Variants in ADAMTSL3 observed in about 807,000 individuals in gnomAD.
The protein encoded by ADAMTSL3 is ADAMTS like 3, also known as ADAMTS-like protein 3.
A neutral mutation model predicts 201.7 loss-of-function variants in ADAMTSL3; 128 were observed. That is an observed-to-expected ratio of 0.63 (90% CI 0.55 to 0.73). The LOEUF is 0.73. Ranked by LOEUF, ADAMTSL3 falls within the 30% of genes least tolerant of loss-of-function variation. ADAMTSL3 has a pLI of 0.00. For missense variants in ADAMTSL3, 1,990 were observed against 2,119.6 expected (o/e 0.94, Z 1.20); for synonymous variants, 738 against 748.4 (o/e 0.99, Z 0.23).
At chr15:83,797,147 A>G (rs895273917) in intron 4 of ADAMTSL3, among the ~76,000 whole-genome samples, 2 of 152,214 alleles carry the variant, frequency 1.3e-5, no homozygotes, top group Non-Finnish European at 2.9e-5. Flanking sequence ...TATAACCAAT[A>G]AAGGACTAGT....
intron 6 of ADAMTSL3, 135 bp downstream of exon 6, chr15:83,820,182 C>T (rs2063839183): frequency 3.0e-6 from 2 of 677,902 alleles, no homozygotes; most frequent in Non-Finnish European, 2.5e-6. Context: ...GTGGCTTACA[C>T]CTATAATCCC....
intron 2 of ADAMTSL3, among the ~76,000 whole-genome samples, chr15:83,662,859 A>T (rs999578287): frequency 6.6e-6 from 1 of 152,074 alleles, no homozygotes; most frequent in African/African-American, 2.4e-5. Context: ...TCAGCTCTTT[A>T]CTCAACTGGA....
chr15:83,712,330 C>G (rs970397726), intron 3 of ADAMTSL3, among the ~76,000 whole-genome samples: 6 of 152,246 alleles, frequency 3.9e-5, no homozygotes, highest in Non-Finnish European at 8.8e-5. Context: ...TGAATTCCAA[C>G]TTTCTGCTGC....
At chr15:83,849,785 A>T (rs1036588703) in intron 7 of ADAMTSL3, among the ~76,000 whole-genome samples, 1 of 152,216 alleles carries the variant, frequency 6.6e-6, no homozygotes, top group Non-Finnish European at 1.5e-5. Context: ...TCAAGCAAAA[A>T]TACAAAATGA....
At chr15:83,713,611 C>T (rs566446913) in intron 3 of ADAMTSL3, among the ~76,000 whole-genome samples, 1 of 151,978 alleles carries the variant, frequency 6.6e-6, no homozygotes, top group African/African-American at 2.4e-5. Flanking sequence ...CATATGAACT[C>T]TGAATTTCAA....
intron 6 of ADAMTSL3, among the ~76,000 whole-genome samples, chr15:83,836,961 A>C (rs952589737): frequency 6.6e-6 from 1 of 152,188 alleles, no homozygotes; most frequent in Admixed American, 6.5e-5. Context: ...AGATCAGTTG[A>C]TATTATTGTT....
chr15:84,021,485 C>T lies in ADAMTSL3; in HGVS notation c.4349C>T (p.Pro1450Leu), dbSNP rs2068204210. 5 of 1,614,064 alleles carry T rather than the reference C, an allele frequency of 3.1e-6. No homozygotes were observed. The highest frequency in any genetic ancestry group is 4.2e-6 in the Non-Finnish European group (5 of 1,180,014). Residue 1450 changes from proline (P) to leucine (L), a missense_variant, in exon 26 of 30, where the codon CCC becomes CTC. Physicochemically the swap from Pro to Leu is moderately conservative, Grantham distance 98. Coordinates refer to ENST00000286744, the MANE Select transcript of ADAMTSL3 (RefSeq NM_207517.3). ...CATTTGGGAGCCCGCATTCAGAGACCCCAGTGTGTGATGGCCAATGGGCAG... is the reference window on the plus strand; with the variant it reads ...CATTTGGGAGCCCGCATTCAGAGACTCCAGTGTGTGATGGCCAATGGGCAG... ...CGHLGARIQR[P>L]QCVMANGQEV...
intron 3 of ADAMTSL3, among the ~76,000 whole-genome samples, chr15:83,711,899 C>G (rs964224802): frequency 1.3e-5 from 2 of 151,974 alleles, no homozygotes; most frequent in Non-Finnish European, 2.9e-5. Context: ...TGATTTTTAT[C>G]ACTTACACCC....
chr15:83,782,334 G>A (rs1025984791), intron 4 of ADAMTSL3, among the ~76,000 whole-genome samples: 5 of 151,976 alleles, frequency 3.3e-5, no homozygotes, highest in Admixed American at 6.6e-5. Context: ...AAAATTAGCC[G>A]GGCATGGTGA....
intron 1 of ADAMTSL3, 56 bp from the exon 2 acceptor site, chr15:83,655,673 G>A: frequency 3.0e-6 from 4 of 1,340,866 alleles, no homozygotes; most frequent in East Asian, 2.4e-5. Flanking sequence ...TTAAGTCACG[G>A]TTTACTGCCA....
At chr15:83,892,070 G>A (rs1312685675) in intron 12 of ADAMTSL3, among the ~76,000 whole-genome samples, 1 of 151,880 alleles carries the variant, frequency 6.6e-6, no homozygotes, top group African/African-American at 2.4e-5. Context: ...AGAAAAATTA[G>A]CCGGGCTTGG....
At chr15:83,934,225 T>C (rs1260310195) in intron 17 of ADAMTSL3, among the ~76,000 whole-genome samples, 2 of 152,164 alleles carry the variant, frequency 1.3e-5, no homozygotes, top group African/African-American at 4.8e-5. Flanking sequence ...TCCAAGACCA[T>C]GGGAGCCCAT....
At chr15:83,924,151 G>A in intron 17 of ADAMTSL3, 118 bp downstream of exon 17, 1 of 1,303,800 alleles carries the variant, frequency 7.7e-7, no homozygotes, top group Admixed American at 2.5e-5. Context: ...TGCTAAGCCT[G>A]CTTCAGAGCT....
chr15:83,996,647 G>T (rs1158972404), intron 23 of ADAMTSL3, among the ~76,000 whole-genome samples: 1 of 151,822 alleles, frequency 6.6e-6, no homozygotes, highest in Non-Finnish European at 1.5e-5. Context: ...TGGGCGTGGT[G>T]GTGGGTGCCT....
intron 3 of ADAMTSL3, among the ~76,000 whole-genome samples, chr15:83,710,641 T>C (rs999603149): frequency 3.3e-5 from 5 of 152,214 alleles, no homozygotes; most frequent in Admixed American, 2.0e-4. Context: ...GAAGTCATAG[T>C]TGACTCTTCT....
chr15:83,681,895 T>C (rs571942731), intron 2 of ADAMTSL3, among the ~76,000 whole-genome samples: 11 of 152,356 alleles, frequency 7.2e-5, no homozygotes, highest in African/African-American at 2.6e-4. Context: ...CCTCTTTTCC[T>C]AAGAATGGAC....
In ADAMTSL3 at chr15:83,654,781, G is replaced by A. The variant is rs1221153603; in HGVS notation, c.-34+505G>A. ...CGGAGGAGTGTGCACTCGGAAGGCT[G>A]GTGCGAGCAGGCGAGGGTGGCGCAG... On this transcript the variant is annotated intron_variant, in intron 1 of 29. Transcript: ENST00000286744. The surrounding 1 kb of genome is among the most constrained non-coding windows in gnomAD (Gnocchi z 5.3). Among the ~76,000 whole-genome samples the A allele has an allele frequency of 6.6e-6, 1 of 152,130 alleles. No individual in the cohort carries two copies. Among genetic ancestry groups the A allele is most frequent in the Non-Finnish European group, 1.5e-5 (1 of 68,006 alleles).
intron 23 of ADAMTSL3, among the ~76,000 whole-genome samples, chr15:84,012,505 A>G (rs2068023127): frequency 6.6e-6 from 1 of 151,426 alleles, no homozygotes; most frequent in African/African-American, 2.4e-5. Flanking sequence ...ATCTCTCTGA[A>G]CTCCTCTTCT....
intron 15 of ADAMTSL3, among the ~76,000 whole-genome samples, chr15:83,911,093 C>T (rs1279343268): frequency 2.0e-5 from 3 of 151,894 alleles, no homozygotes; most frequent in Admixed American, 1.3e-4. Context: ...AATTAATGAC[C>T]ATAAGGTAAA....
Sources: allele counts gnomAD v4.1 joint callset (sites outside exome capture counted in the v4.1 genomes callset), GRCh38; gene constraint gnomAD v4.1.1; non-coding constraint Gnocchi (gnomAD v3.1); transcripts MANE v1.5; gene names NCBI Gene and HGNC (gene_info 2026-07-23, HGNC 2026-07-21).